The following IQCM variants were observed in gnomAD, a reference collection of about 807,000 sequenced individuals.
IQCM encodes the protein IQ motif containing M.
A neutral mutation model predicts 57.6 loss-of-function variants in IQCM; 45 were observed. The ratio of observed to expected loss-of-function variants is 0.78; its 90% CI spans 0.62 to 1.00. The LOEUF (loss-of-function observed/expected upper bound fraction) is 1.00. Ranked by LOEUF, IQCM falls within the 50% of genes least tolerant of loss-of-function variation. IQCM has a pLI of 0.00. For missense variants in IQCM, 468 were observed against 511.6 expected, an observed-to-expected ratio of 0.91 and a Z score of 0.82; for synonymous variants, 148 against 158.9, an observed-to-expected ratio of 0.93 and a Z score of 0.51.
chr4:149,399,430 T>C (rs1454195798), intron 13 of IQCM, among the ~76,000 whole-genome samples: 2 of 149,738 alleles, frequency 1.3e-5, no homozygotes, highest in Non-Finnish European at 3.0e-5. Flanking sequence ...GGAAGGGAGG[T>C]TGGGAGGAAG....
chr4:149,407,664 T>C (rs1333885979), intron 13 of IQCM, among the ~76,000 whole-genome samples: 2 of 152,194 alleles, frequency 1.3e-5, no homozygotes, highest in African/African-American at 2.4e-5. Context: ...TTCTTTGTTA[T>C]GCCTGAGTTG....
At chr4:149,420,045 G>C (rs1230997545) in intron 13 of IQCM, among the ~76,000 whole-genome samples, 1 of 152,104 alleles carries the variant, frequency 6.6e-6, no homozygotes, top group Non-Finnish European at 1.5e-5. Context: ...CTGTTGGTGG[G>C]AATGTAAATT....
chr4:149,432,243 C>G (rs142607913), intron 13 of IQCM, among the ~76,000 whole-genome samples: 1 of 151,890 alleles, frequency 6.6e-6, no homozygotes, highest in Admixed American at 6.6e-5. Flanking sequence ...ATTATCTTAG[C>G]CTTTCTAATA....
intron 8 of IQCM, among the ~76,000 whole-genome samples, chr4:149,595,019 T>C (rs1216938414): frequency 6.6e-6 from 1 of 152,184 alleles, no homozygotes; most frequent in Admixed American, 6.5e-5. Flanking sequence ...CTTGTTAACT[T>C]TCTGTCTCGT....
intron 2 of IQCM, among the ~76,000 whole-genome samples, chr4:149,765,617 G>T (rs1275094510): frequency 6.6e-6 from 1 of 152,032 alleles, no homozygotes; most frequent in African/African-American, 2.4e-5. Flanking sequence ...ACAGGGTTAG[G>T]ATTATGGGAG....
intron 13 of IQCM, among the ~76,000 whole-genome samples, chr4:149,358,874 A>C (rs1411129056): frequency 6.6e-6 from 1 of 152,104 alleles, no homozygotes; most frequent in South Asian, 2.1e-4. Context: ...TCATGAGTAT[A>C]TCATGAGACC....
At chr4:149,369,168 C>A (rs1730190229) in intron 13 of IQCM, among the ~76,000 whole-genome samples, 1 of 150,730 alleles carries the variant, frequency 6.6e-6, no homozygotes, top group African/African-American at 2.4e-5. Flanking sequence ...CTTCAGCCTC[C>A]CGAGTAGCTG....
intron 7 of IQCM, among the ~76,000 whole-genome samples, chr4:149,673,152 T>C (rs900617153): frequency 6.6e-6 from 1 of 152,118 alleles, no homozygotes; most frequent in African/African-American, 2.4e-5. Flanking sequence ...GAACAAATGG[T>C]ACCAACCACT....
intron 5 of IQCM, among the ~76,000 whole-genome samples, chr4:149,689,005 G>T (rs1762752161): frequency 6.6e-6 from 1 of 152,026 alleles, no homozygotes; most frequent in Non-Finnish European, 1.5e-5. Flanking sequence ...AATTCTAGAA[G>T]ATAACAGTGG....
chr4:149,440,902 T>TAAACTTAAAATTTAAAA (rs1735877009), intron 12 of IQCM, among the ~76,000 whole-genome samples: 3 of 152,142 alleles, frequency 2.0e-5, no homozygotes, highest in African/African-American at 7.2e-5. Context: ...TATACTAATG[T>TAAACTTAAAATTTAAAA]TAAGATTATT....
Position 149,553,266 on chromosome 4 carries a change from T to C in IQCM, c.970A>G (p.Met324Val), listed in dbSNP as rs182128447. ...MTKALDHGPD[M>V]KAVINMYGRL... is the part of the protein sequence containing the mutation. ...CCATACATGTTAATAACTGCTTTCA[T>C]ATCTGGTCCATGATCCAAAGCCTAC... Residue 324 changes from methionine (M) to valine (V), a missense_variant, in exon 11 of 14, where the codon ATG (methionine) becomes GTG (valine). By Grantham distance (21) the Met-to-Val change is conservative. Transcript: ENST00000636793. 3,259 of 1,231,970 alleles carry C rather than the reference T, an allele frequency of 2.6e-3. 6 individuals are homozygous for C. The highest frequency in any genetic ancestry group is 4.1e-3 in the Middle Eastern group (13 of 3,206). 76.3% of individuals were successfully genotyped at this position (1,231,970 alleles called of 1,614,324 possible).
chr4:149,524,350 G>A (rs762227692), intron 12 of IQCM, among the ~76,000 whole-genome samples: 4 of 152,076 alleles, frequency 2.6e-5, no homozygotes, highest in Admixed American at 6.6e-5. Context: ...GTACAGATAT[G>A]TAAAATTCAT....
intron 2 of IQCM, among the ~76,000 whole-genome samples, chr4:149,774,351 T>C (rs755464165): frequency 6.6e-6 from 1 of 152,278 alleles, no homozygotes; most frequent in South Asian, 2.1e-4. Flanking sequence ...GTAATACATG[T>C]CACCTCCTCA....
intron 5 of IQCM, among the ~76,000 whole-genome samples, chr4:149,703,167 A>G (rs896582061): frequency 2.0e-5 from 3 of 151,944 alleles, no homozygotes; most frequent in African/African-American, 7.2e-5. Flanking sequence ...AAATGCATAC[A>G]TACTTAAATG....
Position 149,652,242 on chromosome 4 carries a change from A to G in IQCM, c.565+29876T>C, listed in dbSNP as rs556213424. Among the ~76,000 whole-genome samples the G allele has an allele frequency of 8.5e-5, 13 of 152,260 alleles. No homozygotes were observed. The South Asian group carries it at 2.7e-3, about 32-fold the overall frequency. On this transcript the variant is annotated intron_variant, in intron 7 of 13. Coordinates refer to ENST00000636793, the MANE Select transcript of IQCM (RefSeq NM_001363507.2). Reference sequence around the variant, plus strand: ...GTTCTCACTCATAAGTAGGAGCTGAACAATGAGAACACATGGACACACGGA... The same window carrying G: ...GTTCTCACTCATAAGTAGGAGCTGAGCAATGAGAACACATGGACACACGGA...
chr4:149,391,201 A>T (rs116024214), intron 13 of IQCM, among the ~76,000 whole-genome samples: 3,665 of 151,956 alleles, frequency 0.024, 65 homozygotes, highest in Non-Finnish European at 0.036. Context: ...CAGATTTTAC[A>T]TATTGTTGGG....
chr4:149,394,303 GT>G (rs1458836385), intron 13 of IQCM, among the ~76,000 whole-genome samples: 1 of 151,620 alleles, frequency 6.6e-6, no homozygotes, highest in Non-Finnish European at 1.5e-5. Flanking sequence ...GAATCTTCAT[GT>G]TTTGAAACTG....
At chr4:149,765,264 T>C (rs1055150839) in intron 2 of IQCM, among the ~76,000 whole-genome samples, 1 of 151,986 alleles carries the variant, frequency 6.6e-6, no homozygotes, top group Non-Finnish European at 1.5e-5. Flanking sequence ...CAAGGAGCAA[T>C]AAAGGTGGCA....
At chr4:149,643,493 G>C (rs1467970397) in intron 7 of IQCM, among the ~76,000 whole-genome samples, 1 of 152,172 alleles carries the variant, frequency 6.6e-6, no homozygotes, top group Non-Finnish European at 1.5e-5. Flanking sequence ...GACATTAAAG[G>C]TTGGTGAGTA....
Sources: allele counts gnomAD v4.1 joint callset (sites outside exome capture counted in the v4.1 genomes callset), GRCh38; gene constraint gnomAD v4.1.1; transcripts MANE v1.5; gene names NCBI Gene and HGNC (gene_info 2026-07-23, HGNC 2026-07-21).